CACNA1C: variants seen among roughly 807,000 people sequenced by gnomAD.
CACNA1C encodes voltage-dependent L-type calcium channel subunit alpha-1C.
A neutral mutation model predicts 229.0 loss-of-function variants in CACNA1C; 30 were observed. The ratio of observed to expected loss-of-function variants is 0.13; its 90% CI spans 0.10 to 0.18. The LOEUF is 0.18. Ranked by LOEUF, CACNA1C falls within the 10% of genes least tolerant of loss-of-function variation. The pLI is 1.00. For synonymous variants in CACNA1C, 1,114 were observed against 1,132.5 expected, an observed-to-expected ratio of 0.98 and a Z score of 0.33; for missense variants, 1,658 against 2,845.0, an observed-to-expected ratio of 0.58 and a Z score of 9.49.
chr12:2,130,134 T>C (rs946832241), intron 3 of CACNA1C, among the ~76,000 whole-genome samples: 3 of 151,546 alleles, frequency 2.0e-5, no homozygotes, highest in Non-Finnish European at 4.4e-5. Flanking sequence ...GCTGCTGGCA[T>C]TGCTCTATGG....
chr12:2,619,099 G>C (rs1053827203), intron 29 of CACNA1C, among the ~76,000 whole-genome samples: 2 of 152,150 alleles, frequency 1.3e-5, no homozygotes, highest in African/African-American at 4.8e-5. Context: ...GGAAATTCTG[G>C]TAGATTGAGA....
intron 1 of CACNA1C, among the ~76,000 whole-genome samples, chr12:1,978,568 C>T (rs2035120785): frequency 6.6e-6 from 1 of 152,158 alleles, no homozygotes; most frequent in African/African-American, 2.4e-5. Flanking sequence ...ATGCACAGAT[C>T]TTAAAGTGTT....
intron 3 of CACNA1C, among the ~76,000 whole-genome samples, chr12:2,341,016 C>T (rs1188703324): frequency 3.3e-5 from 5 of 152,132 alleles, no homozygotes; most frequent in Non-Finnish European, 7.4e-5. Flanking sequence ...GCAGTAGGCA[C>T]CTTCAACACT....
At chr12:2,335,518 C>T (rs1184077156) in intron 3 of CACNA1C, among the ~76,000 whole-genome samples, 3 of 152,128 alleles carry the variant, frequency 2.0e-5, no homozygotes, top group South Asian at 2.1e-4. Context: ...CCACGGGTGG[C>T]AGCCATCAGA....
At chr12:2,271,002 C>G (rs2084727721) in intron 3 of CACNA1C, among the ~76,000 whole-genome samples, 1 of 152,154 alleles carries the variant, frequency 6.6e-6, no homozygotes, top group Non-Finnish European at 1.5e-5. Context: ...CTCTCTAGGA[C>G]AACGTGGATC....
chr12:2,255,577 GA>G (rs1428119156), intron 3 of CACNA1C, among the ~76,000 whole-genome samples: 1 of 152,226 alleles, frequency 6.6e-6, no homozygotes, highest in African/African-American at 2.4e-5. Flanking sequence ...GAGGCAGCCA[GA>G]AGGGGCACTT....
intron 1 of CACNA1C, among the ~76,000 whole-genome samples, chr12:2,093,042 C>T (rs1016852095): frequency 6.6e-6 from 1 of 152,236 alleles, no homozygotes; most frequent in Non-Finnish European, 1.5e-5. Context: ...CGCACTCTGG[C>T]AGAGGCCAGT....
intron 3 of CACNA1C, among the ~76,000 whole-genome samples, chr12:2,138,132 GCA>G (rs1412912124): frequency 6.6e-6 from 1 of 151,474 alleles, no homozygotes; most frequent in Non-Finnish European, 1.5e-5. Flanking sequence ...GGGCTCTCGG[GCA>G]CACAGTCAGA....
chr12:2,513,615 G>A (rs1159506188), intron 9 of CACNA1C, among the ~76,000 whole-genome samples: 1 of 152,206 alleles, frequency 6.6e-6, no homozygotes, highest in Non-Finnish European at 1.5e-5. Context: ...GATAGGCTGT[G>A]GCTGAGATAG....
intron 1 of CACNA1C, among the ~76,000 whole-genome samples, chr12:2,037,888 G>A (rs1473995027): frequency 1.3e-5 from 2 of 152,074 alleles, no homozygotes; most frequent in East Asian, 3.8e-4. Context: ...GCACATTTAA[G>A]TTTGAGGCCC....
intron 3 of CACNA1C, among the ~76,000 whole-genome samples, chr12:2,384,508 A>G (rs1189342984): frequency 1.3e-5 from 2 of 152,142 alleles, no homozygotes; most frequent in Non-Finnish European, 2.9e-5. Flanking sequence ...CTTTCTAACA[A>G]AAGCCCATGG....
chr12:2,314,492 C>G (rs1418876949), intron 3 of CACNA1C, among the ~76,000 whole-genome samples: 1 of 152,176 alleles, frequency 6.6e-6, no homozygotes, highest in East Asian at 1.9e-4. Flanking sequence ...CCTCTCGTGC[C>G]CCAACTAGTC....
chr12:2,178,953 C>G (rs1463261981), intron 3 of CACNA1C, among the ~76,000 whole-genome samples: 1 of 151,952 alleles, frequency 6.6e-6, no homozygotes, highest in East Asian at 1.9e-4. Context: ...TCCCAGTTAC[C>G]CAGGAGGCTA....
intron 3 of CACNA1C, among the ~76,000 whole-genome samples, chr12:2,179,229 C>G (rs958257166): frequency 6.6e-6 from 1 of 152,156 alleles, no homozygotes; most frequent in African/African-American, 2.4e-5. Flanking sequence ...TCTGTGATTC[C>G]AGGCACTCAT....
intron 4 of CACNA1C, among the ~76,000 whole-genome samples, chr12:2,456,189 A>T (rs1477074816): frequency 6.6e-6 from 1 of 151,916 alleles, no homozygotes; most frequent in East Asian, 1.9e-4. Flanking sequence ...TCTTTCTCAC[A>T]CCTCACATCT....
chr12:2,564,199 C>CTTT (rs936939946), intron 11 of CACNA1C, among the ~76,000 whole-genome samples: 115 of 152,312 alleles, frequency 7.6e-4, no homozygotes, highest in African/African-American at 2.7e-3. Context: ...TTACTGCTTA[C>CTTT]TTTAAAAAGC....
rs150166538 is a variant in CACNA1C at position 2,626,598 on chromosome 12, C to T, written c.3829-7699C>T. ...TGTGTCTGCCTAGCCTTATCCCTCT[C>T]CAAGGAGGCATTGATTCAGCACCCT... On this transcript the variant is annotated intron_variant, in intron 29 of 46. Transcript: ENST00000399655. 2.4e-4 allele frequency among the ~76,000 whole-genome samples: 37 copies of T among 152,296 alleles called. 1 individual carries two copies. Among genetic ancestry groups the T allele is most frequent in the African/African-American group, 8.9e-4 (37 of 41,568 alleles).
At position 2,354,651 on chromosome 12, in the gene CACNA1C, G is replaced by C. The variant is rs990800308; in HGVS notation, c.478-94325G>C. Among the ~76,000 whole-genome samples, 1 of 152,202 alleles carries C rather than the reference G, an allele frequency of 6.6e-6. No individual in the cohort carries two copies. Among genetic ancestry groups the C allele is most frequent in the African/African-American group, 2.4e-5 (1 of 41,450 alleles). On this transcript the variant is annotated intron_variant, in intron 3 of 46. Coordinates refer to ENST00000399655, the MANE Select transcript of CACNA1C (RefSeq NM_000719.7). This position sits in a 1 kb window ranked among gnomAD's most constrained non-coding sequence, Gnocchi z 4.6. Reference sequence around the variant, plus strand: ...AGTCCATCCTTTCTCCTGGCCTCCAGGGAGAGCCCAGACACTCCTGACCAC... The same window carrying C: ...AGTCCATCCTTTCTCCTGGCCTCCACGGAGAGCCCAGACACTCCTGACCAC...
At chr12:2,598,357 GAA>G (rs1410942642) in intron 21 of CACNA1C, among the ~76,000 whole-genome samples, 6 of 152,190 alleles carry the variant, frequency 3.9e-5, no homozygotes, top group Admixed American at 2.6e-4. Flanking sequence ...TGGGATGAGA[GAA>G]AGAGTATTCC....
Sources: allele counts gnomAD v4.1 joint callset (sites outside exome capture counted in the v4.1 genomes callset), GRCh38; gene constraint gnomAD v4.1.1; non-coding constraint Gnocchi (gnomAD v3.1); transcripts MANE v1.5; gene names NCBI Gene and HGNC (gene_info 2026-07-23, HGNC 2026-07-21).